Variants in RPTOR observed in about 807,000 individuals in gnomAD.
The protein encoded by RPTOR is regulatory-associated protein of mTOR.
RPTOR carries 21 observed loss-of-function variants against 169.9 expected under a neutral mutation model. The ratio of observed to expected loss-of-function variants is 0.12; its 90% CI spans 0.09 to 0.18. RPTOR has a LOEUF of 0.18. Ranked by LOEUF, RPTOR falls within the 10% of genes least tolerant of loss-of-function variation. The pLI, the probability that RPTOR is intolerant of heterozygous loss-of-function variation, is 1.00. For missense variants in RPTOR, 1,133 were observed against 1,855.9 expected, an observed-to-expected ratio of 0.61 and a Z score of 7.16; for synonymous variants, 732 against 753.2, an observed-to-expected ratio of 0.97 and a Z score of 0.46.
rs2068961936 is a variant in RPTOR, at chr17:80,936,947, A to G, written c.2920-3549A>G. On this transcript the variant is annotated intron_variant, in intron 24 of 33. Coordinates refer to ENST00000306801, the MANE Select transcript of RPTOR (RefSeq NM_020761.3). The surrounding 1 kb of genome is among the most constrained non-coding windows in gnomAD (Gnocchi z 4.1). The stretch of plus-strand genomic sequence containing the variant: ...GTACACGAGACACTGGCAGAATCAA[A>G]TCACCTCTGTTGCCTGTGGACTCAC... 6.6e-6 allele frequency among the ~76,000 whole-genome samples: 1 copy of G among 152,192 alleles called. No homozygotes were observed. Among genetic ancestry groups the G allele is most frequent in the African/African-American group, 2.4e-5 (1 of 41,442 alleles).
intron 24 of RPTOR, among the ~76,000 whole-genome samples, chr17:80,926,096 C>A (rs1293215348): frequency 6.6e-6 from 1 of 152,090 alleles, no homozygotes; most frequent in Non-Finnish European, 1.5e-5. Context: ...GCATTCTGAG[C>A]AAACCTGCCT....
intron 1 of RPTOR, among the ~76,000 whole-genome samples, chr17:80,596,796 G>A (rs1487048779): frequency 2.0e-5 from 3 of 152,090 alleles, no homozygotes; most frequent in Non-Finnish European, 4.4e-5. Context: ...TGGAGTGGTG[G>A]TGATCAGGAA....
At chr17:80,637,772 C>G (rs1334487033) in intron 2 of RPTOR, among the ~76,000 whole-genome samples, 1 of 152,196 alleles carries the variant, frequency 6.6e-6, no homozygotes, top group Non-Finnish European at 1.5e-5. Flanking sequence ...TCTGTCATCC[C>G]AAGGGAACGT....
chr17:80,768,264 T>C (rs2066807727), intron 6 of RPTOR, among the ~76,000 whole-genome samples: 1 of 152,204 alleles, frequency 6.6e-6, no homozygotes, highest in Non-Finnish European at 1.5e-5. Context: ...TCTTCTCCCA[T>C]GTCTGTCTAA....
Position 80,965,153 on chromosome 17 carries a change from C to A in RPTOR, c.*823C>A. ...GCTCCTTTCCCTCCGAAGGGCTGCT[C>A]TTCCCCACAGGCGCGGGGACAGCAG... On this transcript the variant is annotated 3_prime_UTR_variant, in exon 34 of 34. Coordinates refer to ENST00000306801, the MANE Select transcript of RPTOR (RefSeq NM_020761.3). 1 of 233,370 alleles carries A rather than the reference C, an allele frequency of 4.3e-6. No individual in the cohort carries two copies. The highest frequency in any genetic ancestry group is 6.0e-5 in the East Asian group (1 of 16,594). 14.5% of individuals were successfully genotyped at this position (233,370 alleles called of 1,614,324 possible).
At chr17:80,772,531 A>T (rs981230150) in intron 6 of RPTOR, among the ~76,000 whole-genome samples, 1 of 18,074 alleles carries the variant, frequency 5.5e-5, no homozygotes, top group Non-Finnish European at 1.2e-4. Flanking sequence ...CCTCCCCCCC[A>T]CATGCCTGGT....
At chr17:80,930,050 C>G (rs1372076631) in intron 24 of RPTOR, among the ~76,000 whole-genome samples, 3 of 148,482 alleles carry the variant, frequency 2.0e-5, no homozygotes, top group Non-Finnish European at 4.5e-5. Context: ...ATCCTCAGTT[C>G]AGTTCAGCTC....
intron 2 of RPTOR, among the ~76,000 whole-genome samples, chr17:80,634,277 ACTGTGTGTGTGCG>A (rs2065469582): frequency 2.5e-5 from 3 of 118,350 alleles, no homozygotes; most frequent in African/African-American, 3.7e-5. Context: ...GTGTGTGCGT[ACTGTGTGTGTGCG>A]TACTGTGTGT....
chr17:80,557,827 G>A (rs1192311303), intron 1 of RPTOR, among the ~76,000 whole-genome samples: 2 of 152,126 alleles, frequency 1.3e-5, no homozygotes, highest in East Asian at 3.9e-4. Context: ...TCGGGAGGCT[G>A]AGGCAGGAGA....
At chr17:80,924,475 G>A (rs1483473361) in intron 23 of RPTOR, among the ~76,000 whole-genome samples, 2 of 152,270 alleles carry the variant, frequency 1.3e-5, no homozygotes, top group East Asian at 3.9e-4. Context: ...CCATGTTGGG[G>A]TAGAAGAGCT....
At chr17:80,691,123 A>G (rs1171156285) in intron 3 of RPTOR, among the ~76,000 whole-genome samples, 1 of 152,348 alleles carries the variant, frequency 6.6e-6, no homozygotes, top group Non-Finnish European at 1.5e-5. Flanking sequence ...GAGTATCTCT[A>G]TATAAAGAAA....
Position 80,754,034 on chromosome 17 carries a change from C to A in RPTOR, c.679C>A (p.Pro227Thr), listed in dbSNP as rs1226818064. The change falls in exon 6 of 34, where the codon CCT becomes ACT. Residue 227 changes from proline to threonine, a missense_variant. Pro to Thr is a conservative substitution (Grantham distance 38, BLOSUM62 -1). Transcript: ENST00000306801. This position sits in a 1 kb window ranked among gnomAD's most constrained non-coding sequence, Gnocchi z 4.2. Reference protein sequence around the residue: ...LEVAAINPNHPLAQMPLPPSM... With the variant: ...LEVAAINPNHTLAQMPLPPSM... ...GGTAGCTGCAATCAACCCAAATCAC[C>A]CTCTTGCTCAGATGCCTTTGCCTCC... is the stretch of plus-strand genomic sequence containing the variant. 1 of 1,613,806 alleles carries A rather than the reference C, an allele frequency of 6.2e-7. No homozygotes were observed. Among genetic ancestry groups the A allele is most frequent in the African/African-American group, 1.3e-5 (1 of 74,934 alleles).
chr17:80,744,757 T>C (rs761286492), intron 5 of RPTOR, among the ~76,000 whole-genome samples: 427 of 5,776 alleles, frequency 0.074, 9 homozygotes, highest in East Asian at 0.38. Context: ...ACTAGCACTG[T>C]CCTGGCTACT....
At chr17:80,643,155 C>A (rs1236055668) in intron 2 of RPTOR, among the ~76,000 whole-genome samples, 1 of 152,126 alleles carries the variant, frequency 6.6e-6, no homozygotes, top group African/African-American at 2.4e-5. Context: ...GTCCTGAGAC[C>A]AAACAAGTTT....
At position 80,545,422 on chromosome 17, in the gene RPTOR, C is replaced by T. The variant is rs1350392966; in HGVS notation, c.-208C>T. The T allele has an allele frequency of 2.2e-6, 1 of 453,798 alleles. No individual in the cohort carries two copies. The highest frequency in any genetic ancestry group is 3.9e-6 in the Non-Finnish European group (1 of 255,308). The allele number at this position is 453,798 out of a possible 1,614,324, so 28.1% of individuals were successfully genotyped here. On this transcript the variant is annotated 5_prime_UTR_variant, in exon 1 of 34. Transcript: ENST00000306801. Reference sequence around the variant, plus strand: ...CTTCTTGGGCTGCCCCATTTCCTAGCGGCCCCCACCTCCCCACTTCCCGCT... The same window carrying T: ...CTTCTTGGGCTGCCCCATTTCCTAGTGGCCCCCACCTCCCCACTTCCCGCT...
At chr17:80,813,986 T>G (rs2067298904) in intron 7 of RPTOR, among the ~76,000 whole-genome samples, 1 of 152,016 alleles carries the variant, frequency 6.6e-6, no homozygotes, top group Non-Finnish European at 1.5e-5. Context: ...ATACAAAAAA[T>G]TAGCTACGTG....
chr17:80,866,316 T>C (rs2067990159), intron 13 of RPTOR, among the ~76,000 whole-genome samples: 1 of 151,042 alleles, frequency 6.6e-6, no homozygotes, highest in Non-Finnish European at 1.5e-5. Flanking sequence ...GAGAGGGGAG[T>C]GTGTAGCAGC....
intron 20 of RPTOR, among the ~76,000 whole-genome samples, chr17:80,900,506 A>G (rs1410041546): frequency 6.6e-6 from 1 of 152,118 alleles, no homozygotes; most frequent in Non-Finnish European, 1.5e-5. Context: ...AGTAGAGACA[A>G]AGTTTCTCCA....
chr17:80,698,152 G>T (rs1304026859), intron 3 of RPTOR, among the ~76,000 whole-genome samples: 1 of 152,186 alleles, frequency 6.6e-6, no homozygotes, highest in African/African-American at 2.4e-5. Flanking sequence ...GAAAGTAGGA[G>T]GGTGAGGAAC....
Sources: gnomAD v4.1 joint callset for allele counts (sites outside exome capture counted in the v4.1 genomes callset) on GRCh38, gnomAD v4.1.1 for gene constraint, Gnocchi (gnomAD v3.1) non-coding constraint, MANE v1.5 for transcripts, NCBI Gene and HGNC (gene_info 2026-07-23, HGNC 2026-07-21) for gene names.